XIRP1: variants seen among roughly 807,000 people sequenced by gnomAD.
XIRP1 encodes xin actin binding repeat containing 1.
For missense variants in XIRP1, 2,378 were observed against 2,345.4 expected (o/e 1.01, Z -0.29); for synonymous variants, 984 against 947.0 (o/e 1.04, Z -0.72).
At chr3:39,190,366 A>G (rs992029269) in intron 1 of XIRP1, among the ~76,000 whole-genome samples, 2 of 152,116 alleles carry the variant, frequency 1.3e-5, no homozygotes, top group African/African-American at 4.8e-5. Context: ...GCATGGCCCC[A>G]AGAAATAAGA....
chr3:39,188,003 G>A lies in XIRP1; in HGVS notation c.1443C>T (p.Ser481=), dbSNP rs2040017315. ...TGCTGTCCTGCATGGCATACACTGG[G>A]GACCCTATGCCCTGGGCCTGCCCAG... ...DSAGQAQGIG[S]PVYAMQDSKG... The change falls in exon 2 of 2, where the codon TCC becomes TCT. Residue 481 remains serine, a synonymous_variant. Coordinates refer to ENST00000340369, the MANE Select transcript of XIRP1 (RefSeq NM_194293.4). The A allele has an allele frequency of 6.2e-7, 1 of 1,614,216 alleles. No homozygotes were observed. The highest frequency in any genetic ancestry group is 8.5e-7 in the Non-Finnish European group (1 of 1,180,042).
Position 39,185,066 on chromosome 3 carries a change from G to A in XIRP1, c.4380C>T (p.Ser1460=). ...TCTGGTTTCTTTGCAGACTGTCAGG[G>A]CTCTCAGGGGCCCCTTGGTGGGAAC... ...MEGSHQGAPE[S]PDSLQRNQKE... is the part of the protein sequence containing the mutation. Residue 1460 remains serine (S), a synonymous_variant, in exon 2 of 2, where the codon AGC becomes AGT. Coordinates refer to ENST00000340369, the MANE Select transcript of XIRP1 (RefSeq NM_194293.4). 1 of 1,523,834 alleles carries A rather than the reference G, an allele frequency of 6.6e-7. No homozygotes were observed. Among genetic ancestry groups the A allele is most frequent in the Admixed American group, 2.3e-5 (1 of 44,422 alleles). 94.4% of individuals were successfully genotyped at this position (1,523,834 alleles called of 1,614,324 possible).
chr3:39,189,032 G>A lies in XIRP1; in HGVS notation c.414C>T (p.Ser138=). The change falls in exon 2 of 2, where the codon AGC becomes AGT. Residue 138 remains serine (S), a synonymous_variant. Transcript: ENST00000340369. The part of the protein sequence containing the change: ...RKFEEGSFAN[S]TDQEPTRPQP... ...GGGGCCTGGTTGGCTCCTGGTCTGTGCTGTTGGCAAAGGAGCCTTCCTCAA... is the reference window on the plus strand; with the variant it reads ...GGGGCCTGGTTGGCTCCTGGTCTGTACTGTTGGCAAAGGAGCCTTCCTCAA... 6.2e-7 allele frequency: 1 copy of A among 1,614,056 alleles called. No homozygotes were observed. The highest frequency in any genetic ancestry group is 1.3e-5 in the African/African-American group (1 of 75,062).
Position 39,187,244 on chromosome 3 carries a change from A to G in XIRP1, c.2202T>C (p.Asn734=). Residue 734 remains asparagine, a synonymous_variant, in exon 2 of 2, where the codon AAT becomes AAC. Coordinates refer to ENST00000340369, the MANE Select transcript of XIRP1 (RefSeq NM_194293.4). ...SVHKFTWLFE[N]CPMGSLAAES... ...CAGCTGCCAGGGAGCCCATGGGACA[A>G]TTCTCAAAAAGCCAAGTGAACTTGT... The G allele has an allele frequency of 2.5e-6, 4 of 1,583,988 alleles. No homozygotes were observed. The highest frequency in any genetic ancestry group is 2.6e-6 in the Non-Finnish European group (3 of 1,162,202).
In XIRP1 at chr3:39,188,723, A is replaced by G; in HGVS notation, c.723T>C (p.Cys241=). Residue 241 remains cysteine, a synonymous_variant, in exon 2 of 2, where the codon TGT becomes TGC. Transcript: ENST00000340369. ...TVKLFQTEPL[C]AIQDAEGAIH... is the part of the protein sequence containing the mutation. Reference sequence around the variant, plus strand: ...TGGCGCCCTCTGCATCCTGGATGGCACACAGGGGCTCCGTTTGGAAGAGCT... The same window carrying G: ...TGGCGCCCTCTGCATCCTGGATGGCGCACAGGGGCTCCGTTTGGAAGAGCT... 1.9e-6 allele frequency: 3 copies of G among 1,613,758 alleles called. No individual in the cohort carries two copies. Among genetic ancestry groups the G allele is most frequent in the Non-Finnish European group, 2.5e-6 (3 of 1,180,040 alleles).
In XIRP1 at chr3:39,187,772, G is replaced by C. The variant is rs768812214; in HGVS notation, c.1674C>G (p.Pro558=). The C allele has an allele frequency of 6.2e-7, 1 of 1,614,094 alleles. No homozygotes were observed. The highest frequency in any genetic ancestry group is 8.5e-7 in the Non-Finnish European group (1 of 1,180,016). Residue 558 remains proline, a synonymous_variant, in exon 2 of 2, where the codon CCC becomes CCG. Transcript: ENST00000340369. ...GTARWLFETQ[P]LEMIHQREQQ... ...GCTCCCGTTGGTGGATCATCTCCAGGGGCTGGGTCTCAAAAAGCCACCGAG... is the reference window on the plus strand; with the variant it reads ...GCTCCCGTTGGTGGATCATCTCCAGCGGCTGGGTCTCAAAAAGCCACCGAG...
rs772179158 is a variant in XIRP1, at chr3:39,185,384, C to G, written c.4062G>C (p.Ser1354=). 1.1e-5 allele frequency: 18 copies of G among 1,614,046 alleles called. No individual in the cohort carries two copies. In the East Asian group the frequency reaches 1.8e-4, roughly 16 times the overall value. The part of the protein sequence containing the change: ...KPLPLSPSFS[S]EVGQREHQRG... ...GTTGGTGTTCTCTTTGCCCCACCTC[C>G]GAGGAAAAGCTGGGAGATAGAGGCA... is the stretch of plus-strand genomic sequence containing the variant. The change falls in exon 2 of 2, where the codon TCG becomes TCC. Residue 1354 remains serine (S), a synonymous_variant. Transcript: ENST00000340369.
In XIRP1 at chr3:39,184,657, T is replaced by C. The variant is rs1559746251; in HGVS notation, c.4789A>G (p.Ser1597Gly). The C allele has an allele frequency of 2.5e-6, 4 of 1,613,932 alleles. No homozygotes were observed. In the South Asian group the frequency reaches 4.4e-5, roughly 18 times the overall value. The change falls in exon 2 of 2, where the codon AGT becomes GGT. Residue 1597 changes from serine (S) to glycine (G), a missense_variant. Coordinates refer to ENST00000340369, the MANE Select transcript of XIRP1 (RefSeq NM_194293.4). ...CCTCCGACCTCCTGGCCTGAGCCAC[T>C]GGGCCTGGCGCTACTGCTGACTGTG... is the stretch of plus-strand genomic sequence containing the variant. ...SVTVSSSARP[S>G]GSGQEVGGQT... is the part of the protein sequence containing the mutation.
rs759311655 is a variant in XIRP1 at position 39,187,392 on chromosome 3, C to A, written c.2054G>T (p.Arg685Leu). Reference sequence around the variant, plus strand: ...CACCTGCCCTGAAGGGATCTCCACGCGGCTGCAGTATCTCACAGGCCGTCT... The same window carrying A: ...CACCTGCCCTGAAGGGATCTCCACGAGGCTGCAGTATCTCACAGGCCGTCT... ...CGRRPVRYCS[R>L]VEIPSGQVSR... The change falls in exon 2 of 2, where the codon CGC becomes CTC. Residue 685 changes from arginine to leucine, a missense_variant. Physicochemically the swap from Arg to Leu is moderately radical, Grantham distance 102 (BLOSUM62 -2). Coordinates refer to ENST00000340369, the MANE Select transcript of XIRP1 (RefSeq NM_194293.4). 1.9e-6 allele frequency: 3 copies of A among 1,614,058 alleles called. No homozygotes were observed. The highest frequency in any genetic ancestry group is 1.3e-5 in the African/African-American group (1 of 74,936).
At position 39,183,879 on chromosome 3, in the gene XIRP1, G is replaced by A. The variant is rs761178786; in HGVS notation, c.*35C>T. On this transcript the variant is annotated 3_prime_UTR_variant, in exon 2 of 2. Coordinates refer to ENST00000340369, the MANE Select transcript of XIRP1 (RefSeq NM_194293.4). ...TCAGTCCTGGGGCAGTGGAGGCCAGGAACAGGTGGCAGGTGTGGTGGGAGG... is the reference window on the plus strand; with the variant it reads ...TCAGTCCTGGGGCAGTGGAGGCCAGAAACAGGTGGCAGGTGTGGTGGGAGG... 2.5e-6 allele frequency: 4 copies of A among 1,592,146 alleles called. No homozygotes were observed. In the East Asian group the frequency reaches 9.0e-5, roughly 36 times the overall value.
chr3:39,189,590 A>G, intron 1 of XIRP1, 65 bp from the exon 2 acceptor site: 1 of 1,236,148 alleles, frequency 8.1e-7, no homozygotes, highest in African/African-American at 1.5e-5. Context: ...ACGCTTAGAG[A>G]CTCCTTCCCT....
In XIRP1 at chr3:39,186,038, C is replaced by A. The variant is rs372736374; in HGVS notation, c.3408G>T (p.Val1136=). Residue 1136 remains valine (V), a synonymous_variant, in exon 2 of 2, where the codon GTG becomes GTT. Transcript: ENST00000340369. ...ALPRGLPGGW[V]TIQDGIYTAH... is the part of the protein sequence containing the mutation. ...CGGTGTAGATGCCATCCTGAATTGTCACCCACCCCCCAGGCAGCCCTCTGG... is the reference window on the plus strand; with the variant it reads ...CGGTGTAGATGCCATCCTGAATTGTAACCCACCCCCCAGGCAGCCCTCTGG... 9.9e-6 allele frequency: 16 copies of A among 1,613,680 alleles called. No individual in the cohort carries two copies. The African/African-American group carries it at 2.0e-4, about 20-fold the overall frequency.
chr3:39,189,235 C>T lies in XIRP1; in HGVS notation c.211G>A (p.Glu71Lys). 6.2e-7 allele frequency: 1 copy of T among 1,614,156 alleles called. No homozygotes were observed. The highest frequency in any genetic ancestry group is 1.1e-5 in the South Asian group (1 of 91,082). ...TCAGCCAGATCCTCGGCCACAGCCT[C>T]AGCCAGATTCTTGCGGAGCTCAGGG... ...IHPELRKNLA[E>K]AVAEDLAEVL... is the part of the protein sequence containing the mutation. The change falls in exon 2 of 2, where the codon GAG (glutamate) becomes AAG (lysine). Residue 71 changes from glutamate to lysine, a missense_variant. Coordinates refer to ENST00000340369, the MANE Select transcript of XIRP1 (RefSeq NM_194293.4).
chr3:39,187,256 C>G lies in XIRP1; in HGVS notation c.2190G>C (p.Trp730Cys). 6.3e-7 allele frequency: 1 copy of G among 1,582,334 alleles called. No homozygotes were observed. The highest frequency in any genetic ancestry group is 8.6e-7 in the Non-Finnish European group (1 of 1,161,438). ...AGCCCATGGGACAATTCTCAAAAAG[C>G]CAAGTGAACTTGTGGACAGAACCCG... ...IPAGSVHKFT[W>C]LFENCPMGSL... The change falls in exon 2 of 2, where the codon TGG becomes TGC. Residue 730 changes from tryptophan (W) to cysteine (C), a missense_variant. Coordinates refer to ENST00000340369, the MANE Select transcript of XIRP1 (RefSeq NM_194293.4).
Position 39,186,794 on chromosome 3 carries a change from G to T in XIRP1, c.2652C>A (p.Cys884Ter), listed in dbSNP as rs769967222. 16 of 1,613,808 alleles carry T rather than the reference G, an allele frequency of 9.9e-6. No individual in the cohort carries two copies. The highest frequency in any genetic ancestry group is 1.6e-4 in the Middle Eastern group (1 of 6,084). Residue 884 changes from cysteine (C) to a stop codon, truncating the protein, a stop_gained, in exon 2 of 2, where the codon TGC becomes TGA. Coordinates refer to ENST00000340369, the MANE Select transcript of XIRP1 (RefSeq NM_194293.4). LOFTEE classifies it low-confidence loss of function (END_TRUNC). ...MDPELQQLLA[C>*]GLGTSVARTG... ...TCCTTGCCACGGAGGTCCCAAGACCGCAAGCCAGCAGCTGCTGGAGCTCAG... is the reference window on the plus strand; with the variant it reads ...TCCTTGCCACGGAGGTCCCAAGACCTCAAGCCAGCAGCTGCTGGAGCTCAG...
In XIRP1 at chr3:39,188,709, G is replaced by T. The variant is rs781426396; in HGVS notation, c.737C>A (p.Ala246Glu). The T allele has an allele frequency of 1.2e-6, 2 of 1,613,612 alleles. No homozygotes were observed. The highest frequency in any genetic ancestry group is 1.7e-6 in the Non-Finnish European group (2 of 1,180,034). ...QTEPLCAIQD[A>E]EGAIHEVKAA... ...CTTGACCTCATGGATGGCGCCCTCT[G>T]CATCCTGGATGGCACACAGGGGCTC... The change falls in exon 2 of 2, where the codon GCA becomes GAA. Residue 246 changes from alanine (A) to glutamate (E), a missense_variant. Coordinates refer to ENST00000340369, the MANE Select transcript of XIRP1 (RefSeq NM_194293.4).
chr3:39,187,310 C>T lies in XIRP1; in HGVS notation c.2136G>A (p.Glu712=), dbSNP rs923110173. ...GGATGGACCCAGCGATTACCCGGGG[C>T]TCCTGTTCTTCCTTCTTGCCTGCCT... The part of the protein sequence containing the change: ...ALEAGKKEEQ[E]PRVIAGSIPA... Residue 712 remains glutamate (E), a synonymous_variant, in exon 2 of 2, where the codon GAG becomes GAA. Coordinates refer to ENST00000340369, the MANE Select transcript of XIRP1 (RefSeq NM_194293.4). 8 of 1,593,430 alleles carry T rather than the reference C, an allele frequency of 5.0e-6. No individual in the cohort carries two copies. The African/African-American group carries it at 5.4e-5, about 11-fold the overall frequency.
Position 39,185,761 on chromosome 3 carries a change from C to A in XIRP1, c.3685G>T (p.Ala1229Ser). ...GCCAGAATGTGGCGGCCTAGAGGGG[C>A]AGTCTTCAGGGTGGTCTCTGCAGCT... ...LQAAETTLKT[A>S]PLGRHILASG... The change falls in exon 2 of 2, where the codon GCC (alanine) becomes TCC (serine). Residue 1229 changes from alanine to serine, a missense_variant. Transcript: ENST00000340369. 1 of 1,608,038 alleles carries A rather than the reference C, an allele frequency of 6.2e-7. No homozygotes were observed. The highest frequency in any genetic ancestry group is 1.1e-5 in the South Asian group (1 of 90,232).
rs376296366 is a variant in XIRP1, at chr3:39,184,666, C to T, written c.4780G>A (p.Ala1594Thr). 1.7e-5 allele frequency: 28 copies of T among 1,613,908 alleles called. No individual in the cohort carries two copies. Among genetic ancestry groups the T allele is most frequent in the African/African-American group, 6.7e-5 (5 of 74,928 alleles). Reference protein sequence around the residue: ...HKISVTVSSSARPSGSGQEVG... With the variant: ...HKISVTVSSSTRPSGSGQEVG... ...TCCTGGCCTGAGCCACTGGGCCTGG[C>T]GCTACTGCTGACTGTGACACTGATC... Residue 1594 changes from alanine to threonine, a missense_variant, in exon 2 of 2, where the codon GCC (alanine) becomes ACC (threonine). By Grantham distance (58) the Ala-to-Thr change is moderately conservative. Coordinates refer to ENST00000340369, the MANE Select transcript of XIRP1 (RefSeq NM_194293.4).
Sources: allele counts gnomAD v4.1 joint callset (sites outside exome capture counted in the v4.1 genomes callset), GRCh38; gene constraint gnomAD v4.1.1; transcripts MANE v1.5; gene names NCBI Gene and HGNC (gene_info 2026-07-23, HGNC 2026-07-21).